The following GOLGA4 variants were observed in gnomAD, a reference collection of about 807,000 sequenced individuals.
GOLGA4 encodes the protein golgin A4.
GOLGA4 carries 169 observed loss-of-function variants against 265.9 expected under a neutral mutation model. That is an observed-to-expected ratio of 0.64 (90% CI 0.56 to 0.72). The LOEUF is 0.72. Among genes scored for constraint, GOLGA4 ranks in the 30% least tolerant of loss-of-function variants. The pLI, the probability that GOLGA4 is intolerant of heterozygous loss-of-function variation, is 0.00. For missense variants in GOLGA4, 2,482 were observed against 2,483.4 expected (o/e 1.00, Z 0.01); for synonymous variants, 923 against 855.8 (o/e 1.08, Z -1.37).
rs912665576 is a variant in GOLGA4 at position 37,310,672 on chromosome 3, G to A, written c.1235-4748G>A. 3.9e-5 allele frequency among the ~76,000 whole-genome samples: 6 copies of A among 151,958 alleles called. No individual in the cohort carries two copies. In the East Asian group the frequency reaches 1.2e-3, roughly 29 times the overall value. On this transcript the variant is annotated intron_variant, in intron 10 of 23. Transcript: ENST00000361924. The stretch of plus-strand genomic sequence containing the variant: ...CCTGCATTTTACTTAACTGACAGAG[G>A]ATCATACTTACAGTTCATTAAAGAT...
chr3:37,296,877 G>T (rs2096879880), intron 7 of GOLGA4, among the ~76,000 whole-genome samples: 1 of 152,132 alleles, frequency 6.6e-6, no homozygotes, highest in African/African-American at 2.4e-5. Flanking sequence ...AACCAAAAAA[G>T]TTGTTTTAAT....
intron 20 of GOLGA4, among the ~76,000 whole-genome samples, chr3:37,342,218 C>T (rs2097037993): frequency 6.6e-6 from 1 of 152,124 alleles, no homozygotes; most frequent in African/African-American, 2.4e-5. Flanking sequence ...GTGGCGTACA[C>T]CTGTAATCTC....
At chr3:37,311,327 A>G (rs1254396181) in intron 10 of GOLGA4, among the ~76,000 whole-genome samples, 1 of 152,224 alleles carries the variant, frequency 6.6e-6, no homozygotes, top group Non-Finnish European at 1.5e-5. Flanking sequence ...ACATTTCCTT[A>G]AAGCACGATG....
At chr3:37,335,233 C>G (rs2097006597) in intron 17 of GOLGA4, 67 bp downstream of exon 17, 2 of 829,072 alleles carry the variant, frequency 2.4e-6, no homozygotes, top group Non-Finnish European at 4.0e-6. Flanking sequence ...ATTTGACTAG[C>G]CTACTAACAT....
chr3:37,281,825 A>G (rs2096835430), intron 2 of GOLGA4, 133 bp from the exon 3 acceptor site: 3 of 718,886 alleles, frequency 4.2e-6, no homozygotes, highest in East Asian at 5.0e-5. Context: ...TCAGAAAACA[A>G]TGTATTATGT....
In GOLGA4 at chr3:37,327,584, T is replaced by C; in HGVS notation, c.5698T>C (p.Leu1900=). 1 of 1,613,672 alleles carries C rather than the reference T, an allele frequency of 6.2e-7. No homozygotes were observed. ...TGGAAGAAATAAACCCACAGAACTTTTGGAAGAAAACACTGAAGAAAAGTC... is the reference window on the plus strand; with the variant it reads ...TGGAAGAAATAAACCCACAGAACTTCTGGAAGAAAACACTGAAGAAAAGTC... ...MDGRNKPTEL[L]EENTEEKSKS... is the part of the protein sequence containing the mutation. Residue 1900 remains leucine, a synonymous_variant, in exon 14 of 24, where the codon TTG becomes CTG. Coordinates refer to ENST00000361924, the MANE Select transcript of GOLGA4 (RefSeq NM_002078.5).
chr3:37,327,028 T>C lies in GOLGA4; in HGVS notation c.5142T>C (p.Asn1714=). ...TAATTGTACCCAGATCAGCAAAAAA[T>C]GTGGCAGCATATACTGAACAAGAAG... The part of the protein sequence containing the change: ...ETLIVPRSAK[N]VAAYTEQEEA... The change falls in exon 14 of 24, where the codon AAT becomes AAC. Residue 1714 remains asparagine (N), a synonymous_variant. Transcript: ENST00000361924. 1.2e-6 allele frequency: 2 copies of C among 1,613,870 alleles called. No homozygotes were observed. The highest frequency in any genetic ancestry group is 1.1e-5 in the South Asian group (1 of 91,070).
At chr3:37,337,399 T>A (rs186015945) in intron 18 of GOLGA4, among the ~76,000 whole-genome samples, 1 of 151,952 alleles carries the variant, frequency 6.6e-6, no homozygotes, top group East Asian at 1.9e-4. Context: ...TTAGTAGAGA[T>A]GGGGTTTTGC....
At chr3:37,321,024 G>A (rs2096953448) in intron 12 of GOLGA4, among the ~76,000 whole-genome samples, 1 of 152,150 alleles carries the variant, frequency 6.6e-6, no homozygotes, top group African/African-American at 2.4e-5. Flanking sequence ...AAGTATTGCA[G>A]TTGGCAATAT....
intron 2 of GOLGA4, among the ~76,000 whole-genome samples, chr3:37,274,504 C>T (rs748806129): frequency 6.6e-6 from 1 of 151,892 alleles, no homozygotes; most frequent in Non-Finnish European, 1.5e-5. Flanking sequence ...CCAGCCCAGC[C>T]AACATAGTGA....
chr3:37,254,650 T>A (rs1400405751), intron 2 of GOLGA4, among the ~76,000 whole-genome samples: 1 of 151,608 alleles, frequency 6.6e-6, no homozygotes, highest in Non-Finnish European at 1.5e-5. Flanking sequence ...TTGAGACTAT[T>A]CGCCACCATG....
Position 37,343,215 on chromosome 3 carries a change from G to A in GOLGA4, c.6472+3016G>A, listed in dbSNP as rs542998603. Among the ~76,000 whole-genome samples, 18 of 152,320 alleles carry A rather than the reference G, an allele frequency of 1.2e-4. No individual in the cohort carries two copies. The South Asian group carries it at 3.3e-3, about 28-fold the overall frequency. ...CAGCTCACCGCAACCTCCACCTCCC[G>A]GGTTCAAGCAATTCTCCTGCCTCAG... On this transcript the variant is annotated intron_variant, in intron 20 of 23. Transcript: ENST00000361924.
At chr3:37,351,091 C>T (rs1396194227) in intron 21 of GOLGA4, among the ~76,000 whole-genome samples, 3 of 152,094 alleles carry the variant, frequency 2.0e-5, no homozygotes. Context: ...GGTCAGTTCT[C>T]TCAAAATTGC....
At chr3:37,288,262 C>A (rs1340695727) in intron 4 of GOLGA4, among the ~76,000 whole-genome samples, 1 of 148,450 alleles carries the variant, frequency 6.7e-6, no homozygotes, top group Admixed American at 6.7e-5. Context: ...TCACCATGCC[C>A]GGCTAATTTT....
chr3:37,308,549 T>G (rs1156991746), intron 10 of GOLGA4, among the ~76,000 whole-genome samples: 1 of 151,506 alleles, frequency 6.6e-6, no homozygotes, highest in South Asian at 2.1e-4. Context: ...TATTGGTGAT[T>G]CCAAAGAGCT....
chr3:37,267,266 C>T (rs1030699970), intron 2 of GOLGA4, among the ~76,000 whole-genome samples: 13 of 152,152 alleles, frequency 8.5e-5, no homozygotes, highest in African/African-American at 3.1e-4. Context: ...GTATGCAGTG[C>T]TACAAATCTC....
chr3:37,287,839 A>G (rs1006355445), intron 4 of GOLGA4, among the ~76,000 whole-genome samples: 2 of 151,736 alleles, frequency 1.3e-5, no homozygotes, highest in African/African-American at 4.8e-5. Flanking sequence ...ATCCAGTCAT[A>G]CTCCCTTGGT....
chr3:37,360,851 T>G (rs548247430), intron 22 of GOLGA4, among the ~76,000 whole-genome samples: 23 of 152,280 alleles, frequency 1.5e-4, no homozygotes, highest in African/African-American at 5.3e-4. Context: ...CCGAAAACTT[T>G]TTAGGGTAAA....
intron 20 of GOLGA4, among the ~76,000 whole-genome samples, chr3:37,343,446 A>C (rs2097045382): frequency 6.6e-6 from 1 of 151,314 alleles, no homozygotes; most frequent in Non-Finnish European, 1.5e-5. Flanking sequence ...TGAACTCCTG[A>C]ACTCAGGTAT....
Sources: allele counts gnomAD v4.1 joint callset (sites outside exome capture counted in the v4.1 genomes callset), GRCh38; gene constraint gnomAD v4.1.1; transcripts MANE v1.5; gene names NCBI Gene and HGNC (gene_info 2026-07-23, HGNC 2026-07-21).